Variants in UBXN2B observed in about 807,000 individuals in gnomAD.
UBXN2B encodes the protein UBX domain protein 2B.
UBXN2B carries 19 observed loss-of-function variants against 37.5 expected under a neutral mutation model. The ratio of observed to expected loss-of-function variants is 0.51; its 90% CI spans 0.35 to 0.74. The LOEUF (loss-of-function observed/expected upper bound fraction) is 0.74. Among genes scored for constraint, UBXN2B ranks in the 30% least tolerant of loss-of-function variants. UBXN2B has a pLI of 0.01. For missense variants in UBXN2B, 370 were observed against 393.2 expected (o/e 0.94, Z 0.50); for synonymous variants, 145 against 143.8 (o/e 1.01, Z -0.06).
At chr8:58,412,332 T>C (rs1807660043) in intron 1 of UBXN2B, among the ~76,000 whole-genome samples, 1 of 152,174 alleles carries the variant, frequency 6.6e-6, no homozygotes, top group Admixed American at 6.5e-5. Context: ...GGACATCAAA[T>C]CCTTAGTCGG....
intron 1 of UBXN2B, among the ~76,000 whole-genome samples, 193 bp downstream of exon 1, chr8:58,411,662 C>A (rs1807642685): frequency 6.6e-6 from 1 of 152,226 alleles, no homozygotes; most frequent in Non-Finnish European, 1.5e-5. Context: ...AGTGCCCAAG[C>A]CTCCAGCGCT....
At chr8:58,428,050 A>G (rs1032774036) in intron 2 of UBXN2B, among the ~76,000 whole-genome samples, 1 of 152,236 alleles carries the variant, frequency 6.6e-6, no homozygotes, top group African/African-American at 2.4e-5. Flanking sequence ...CAAATGTTTC[A>G]GAAAGTGTTT....
chr8:58,442,578 G>A (rs910264694), intron 6 of UBXN2B, among the ~76,000 whole-genome samples: 4 of 152,096 alleles, frequency 2.6e-5, no homozygotes, highest in Non-Finnish European at 4.4e-5. Flanking sequence ...ATACAATTAT[G>A]GTGCAAACCA....
chr8:58,438,552 T>C (rs1808473555), intron 5 of UBXN2B, among the ~76,000 whole-genome samples: 1 of 152,376 alleles, frequency 6.6e-6, no homozygotes, highest in South Asian at 2.1e-4. Flanking sequence ...TTCAGACTTC[T>C]GTGGGGCCTG....
At chr8:58,422,159 A>G (rs1807944761) in intron 2 of UBXN2B, among the ~76,000 whole-genome samples, 1 of 152,214 alleles carries the variant, frequency 6.6e-6, no homozygotes, top group Non-Finnish European at 1.5e-5. Context: ...TTACTAGAAG[A>G]CAGCAGTCAT....
chr8:58,445,167 TATACTGGCTG>T, intron 6 of UBXN2B, among the ~76,000 whole-genome samples: 1 of 152,334 alleles, frequency 6.6e-6, no homozygotes, highest in South Asian at 2.1e-4. Flanking sequence ...ACTTTTGGCA[TATACTGGCTG>T]ATCATCCTGC....
chr8:58,440,397 A>C (rs1808511837), intron 6 of UBXN2B, among the ~76,000 whole-genome samples: 1 of 152,202 alleles, frequency 6.6e-6, no homozygotes, highest in African/African-American at 2.4e-5. Context: ...TTTTCAAGTC[A>C]TGGAAGTGCA....
intron 5 of UBXN2B, among the ~76,000 whole-genome samples, chr8:58,437,989 G>A (rs1238510451): frequency 1.3e-5 from 2 of 151,474 alleles, no homozygotes; most frequent in African/African-American, 4.8e-5. Flanking sequence ...AGAGTCCTAG[G>A]AGAAAAGTGT....
At position 58,411,428 on chromosome 8, in the gene UBXN2B, A is replaced by AGGTCTTCCGGGCCGCGGC; in HGVS notation, c.44_61dup (p.Arg15_Arg20dup). ...CCCTGAGCCCGGCGAGCAGGAGAGGAGGTCTTCCGGGCCGCGGCCTCCGAG... is the reference window on the plus strand; with the variant it reads ...CCCTGAGCCCGGCGAGCAGGAGAGGAGGTCTTCCGGGCCGCGGCGGTCTTCCGGGCCGCGGCCTCCGAG... On this transcript the variant is annotated inframe_insertion, in exon 1 of 8. Coordinates refer to ENST00000399598, the MANE Select transcript of UBXN2B (RefSeq NM_001077619.2). The AGGTCTTCCGGGCCGCGGC allele has an allele frequency of 4.7e-6, 6 of 1,265,566 alleles. No homozygotes were observed. The highest frequency in any genetic ancestry group is 6.0e-6 in the Non-Finnish European group (6 of 999,880). The allele number at this position is 1,265,566 out of a possible 1,614,324, so 78.4% of individuals were successfully genotyped here.
intron 6 of UBXN2B, among the ~76,000 whole-genome samples, chr8:58,440,144 G>T (rs1427788510): frequency 6.6e-6 from 1 of 152,140 alleles, no homozygotes; most frequent in Non-Finnish European, 1.5e-5. Flanking sequence ...TAGCATGTGG[G>T]ATTCAAACCC....
intron 2 of UBXN2B, chr8:58,424,687 C>CGG (rs370686138): frequency 2.4e-4 from 260 of 1,066,780 alleles, no homozygotes; most frequent in African/African-American, 2.0e-3. Context: ...GAGTACAAGG[C>CGG]GGGGGGGGGG....
chr8:58,441,208 G>A (rs949038982), intron 6 of UBXN2B, among the ~76,000 whole-genome samples: 2 of 151,562 alleles, frequency 1.3e-5, no homozygotes, highest in Non-Finnish European at 2.9e-5. Context: ...TGCCCAGGCT[G>A]GTCTTGAATT....
At chr8:58,434,917 G>A in intron 5 of UBXN2B, 1 of 1,535,574 alleles carries the variant, frequency 6.5e-7, no homozygotes, top group Non-Finnish European at 8.7e-7. Flanking sequence ...ATCTTTTAAT[G>A]TGGCATTACT....
At chr8:58,425,733 G>A in intron 2 of UBXN2B, 1 of 1,170,548 alleles carries the variant, frequency 8.5e-7, no homozygotes, top group Non-Finnish European at 1.3e-6. Context: ...GGCTACGTGA[G>A]TTGTAGTACT....
rs1585613300 is a variant in UBXN2B at position 58,435,627 on chromosome 8, T to C, written c.533+1123T>C. ...GTAGAAATTGATACTAATTTCAAGATAGTGGAAACAAAGAACATATTGAGA... is the reference window on the plus strand; with the variant it reads ...GTAGAAATTGATACTAATTTCAAGACAGTGGAAACAAAGAACATATTGAGA... On this transcript the variant is annotated intron_variant, in intron 5 of 7. Coordinates refer to ENST00000399598, the MANE Select transcript of UBXN2B (RefSeq NM_001077619.2). 2.0e-5 allele frequency among the ~76,000 whole-genome samples: 3 copies of C among 152,262 alleles called. No individual in the cohort carries two copies. The East Asian group carries it at 5.8e-4, about 29-fold the overall frequency.
At chr8:58,417,095 G>A (rs1166396971) in intron 2 of UBXN2B, 142 bp downstream of exon 2, 2 of 620,102 alleles carry the variant, frequency 3.2e-6, no homozygotes, top group Admixed American at 3.7e-5. Context: ...AGGCAGATTT[G>A]GATAAAAAAT....
intron 2 of UBXN2B, among the ~76,000 whole-genome samples, chr8:58,428,767 A>G (rs923778982): frequency 4.6e-5 from 7 of 152,368 alleles, no homozygotes; most frequent in African/African-American, 1.7e-4. Context: ...TAAAGCTGCA[A>G]TGGTTAAGAG....
rs1001167808 is a variant in UBXN2B at position 58,447,724 on chromosome 8, T to C, written c.*173T>C. 4 of 551,512 alleles carry C rather than the reference T, an allele frequency of 7.3e-6. No homozygotes were observed. Among genetic ancestry groups the C allele is most frequent in the Admixed American group, 7.3e-5 (2 of 27,260 alleles). 34.2% of individuals were successfully genotyped at this position (551,512 alleles called of 1,614,324 possible). A position where few individuals can be genotyped will look rare whatever the true frequency, so the allele number is the denominator to read the frequency against. On this transcript the variant is annotated 3_prime_UTR_variant, in exon 8 of 8. Coordinates refer to ENST00000399598, the MANE Select transcript of UBXN2B (RefSeq NM_001077619.2). ...AATATAGACAAATTTGGATTAGGAA[T>C]AGACCTTGAGATAAGTATGTTTGAG... is the stretch of plus-strand genomic sequence containing the variant.
In UBXN2B at chr8:58,435,561, T is replaced by G. The variant is rs1808390978; in HGVS notation, c.533+1057T>G. Among the ~76,000 whole-genome samples the G allele has an allele frequency of 3.9e-5, 6 of 152,132 alleles. No individual in the cohort carries two copies. In the South Asian group the frequency reaches 1.2e-3, roughly 32 times the overall value. On this transcript the variant is annotated intron_variant, in intron 5 of 7. Coordinates refer to ENST00000399598, the MANE Select transcript of UBXN2B (RefSeq NM_001077619.2). ...CTGGGAAGAGCTGCGAGCAACTAGG[T>G]GGGGGAAGTTTTGATTGGCTAAGCG...
Sources: allele counts gnomAD v4.1 joint callset (sites outside exome capture counted in the v4.1 genomes callset), GRCh38; gene constraint gnomAD v4.1.1; transcripts MANE v1.5; gene names NCBI Gene and HGNC (gene_info 2026-07-23, HGNC 2026-07-21).